AKAP19: variants seen among roughly 807,000 people sequenced by gnomAD.
AKAP19 encodes the protein A-kinase anchoring protein 19.
At chr2:190,090,513 C>T in the AKAP19 span, among the ~76,000 whole-genome samples, 2 of 152,198 alleles carry the variant, frequency 1.3e-5, no homozygotes, top group Non-Finnish European at 1.5e-5. Flanking sequence ...TGGATTGAGT[C>T]TCCTCTCCAG....
At chr2:190,120,059 G>A in the AKAP19 span, among the ~76,000 whole-genome samples, 2 of 152,258 alleles carry the variant, frequency 1.3e-5, no homozygotes, top group African/African-American at 2.4e-5. Flanking sequence ...CCCGAGGGCC[G>A]CGGACGGTAC....
chr2:189,982,293 G>C, the AKAP19 span, among the ~76,000 whole-genome samples: 10 of 151,850 alleles, frequency 6.6e-5, no homozygotes, highest in Non-Finnish European at 2.9e-5. Flanking sequence ...TTAGTCTATT[G>C]TTAAAGTTTT....
chr2:189,912,479 T>C, the AKAP19 span, among the ~76,000 whole-genome samples: 1 of 152,158 alleles, frequency 6.6e-6, no homozygotes, highest in Non-Finnish European at 1.5e-5. Flanking sequence ...AGGCAGAGGC[T>C]GCAGGGAGCC....
chr2:190,163,434 A>AAAAAAAC, the AKAP19 span, among the ~76,000 whole-genome samples: 2 of 145,850 alleles, frequency 1.4e-5, no homozygotes, highest in Non-Finnish European at 3.0e-5. Context: ...ACTCCGTCTC[A>AAAAAAAC]AAAAAACAAA....
chr2:190,077,558 C>T, the AKAP19 span, among the ~76,000 whole-genome samples: 2 of 152,244 alleles, frequency 1.3e-5, no homozygotes, highest in Non-Finnish European at 2.9e-5. Flanking sequence ...CCTGCCTCGG[C>T]CTCCCAAGTG....
the AKAP19 span, among the ~76,000 whole-genome samples, chr2:190,113,835 C>T: frequency 1.3e-5 from 2 of 152,162 alleles, no homozygotes; most frequent in African/African-American, 4.8e-5. Flanking sequence ...TCCCAGTCCC[C>T]TACCCCTGTT....
At chr2:190,078,096 C>T in the AKAP19 span, among the ~76,000 whole-genome samples, 1 of 152,132 alleles carries the variant, frequency 6.6e-6, no homozygotes, top group Non-Finnish European at 1.5e-5. Flanking sequence ...GCATAGCTCC[C>T]TCCTCTCCAG....
the AKAP19 span, among the ~76,000 whole-genome samples, chr2:190,002,120 G>A: frequency 6.6e-6 from 1 of 152,134 alleles, no homozygotes; most frequent in African/African-American, 2.4e-5. Flanking sequence ...GTAGCCTTAG[G>A]CCAGACACCA....
the AKAP19 span, among the ~76,000 whole-genome samples, chr2:190,003,523 GTTT>G: frequency 6.6e-6 from 1 of 152,036 alleles, no homozygotes. Context: ...TTTCAAAAGT[GTTT>G]ATTTACTTTC....
chr2:190,035,603 C>T, the AKAP19 span, among the ~76,000 whole-genome samples: 5 of 152,012 alleles, frequency 3.3e-5, no homozygotes, highest in African/African-American at 1.2e-4. Context: ...TTCACCCACC[C>T]CCACCTCCTG....
chr2:190,008,730 GCACACACA>G, the AKAP19 span, among the ~76,000 whole-genome samples: 3,625 of 120,648 alleles, frequency 0.03, 106 homozygotes, highest in African/African-American at 0.075. Flanking sequence ...ATGTGCACGT[GCACACACA>G]CACACACACA....
the AKAP19 span, among the ~76,000 whole-genome samples, chr2:190,080,641 A>G: frequency 2.0e-4 from 31 of 152,222 alleles, no homozygotes; most frequent in Admixed American, 8.5e-4. Flanking sequence ...AATTCAAGGA[A>G]CATTTATTGA....
At chr2:190,168,328 A>G in the AKAP19 span, among the ~76,000 whole-genome samples, 1 of 151,942 alleles carries the variant, frequency 6.6e-6, no homozygotes, top group African/African-American at 2.4e-5. Context: ...CCACAAAACT[A>G]TGTTTTCCTC....
the AKAP19 span, among the ~76,000 whole-genome samples, chr2:190,063,641 G>C: frequency 2.0e-5 from 3 of 152,036 alleles, no homozygotes; most frequent in Admixed American, 2.0e-4. Context: ...AGAATATTAT[G>C]AGCACATAAA....
At chr2:190,000,307 G>A in the AKAP19 span, among the ~76,000 whole-genome samples, 2 of 152,178 alleles carry the variant, frequency 1.3e-5, no homozygotes, top group Admixed American at 6.5e-5. Flanking sequence ...AGTTAAAAAT[G>A]TTGCTGTTAC....
At chr2:190,171,197 C>G in the AKAP19 span, among the ~76,000 whole-genome samples, 12 of 151,046 alleles carry the variant, frequency 7.9e-5, no homozygotes, top group Non-Finnish European at 1.5e-4. Context: ...AATTCCAATT[C>G]TTTATTACAA....
chr2:189,966,027 G>A, the AKAP19 span, among the ~76,000 whole-genome samples: 1 of 152,046 alleles, frequency 6.6e-6, no homozygotes, highest in Non-Finnish European at 1.5e-5. Flanking sequence ...ATGAATTAAT[G>A]GCATTTGCAG....
At chr2:190,044,736 C>A in the AKAP19 span, among the ~76,000 whole-genome samples, 1 of 152,162 alleles carries the variant, frequency 6.6e-6, no homozygotes, top group African/African-American at 2.4e-5. Flanking sequence ...TTGCCTAGGC[C>A]AGTCCCTAGT....
the AKAP19 span, among the ~76,000 whole-genome samples, chr2:189,889,743 T>C: frequency 6.6e-6 from 1 of 152,220 alleles, no homozygotes; most frequent in East Asian, 1.9e-4. Context: ...TATCTGATGG[T>C]AGTTTGTGTT....
Sources: gnomAD v4.1 joint callset for allele counts (sites outside exome capture counted in the v4.1 genomes callset) on GRCh38, gnomAD v4.1.1 for gene constraint, MANE v1.5 for transcripts, NCBI Gene and HGNC (gene_info 2026-07-23, HGNC 2026-07-21) for gene names.